The following MYBL1 variants were observed in gnomAD, a reference collection of about 807,000 sequenced individuals.
The protein encoded by MYBL1 is MYB proto-oncogene like 1, also known as myb-related protein A.
In MYBL1, 17 loss-of-function variants were observed where a neutral mutation model predicts 96.3. The observed-to-expected ratio is 0.18, with a 90% confidence interval of 0.12 to 0.26. The LOEUF (loss-of-function observed/expected upper bound fraction) is 0.26. Ranked by LOEUF, MYBL1 falls within the 10% of genes least tolerant of loss-of-function variation. The pLI is 1.00. For synonymous variants in MYBL1, 282 were observed against 292.7 expected (o/e 0.96, Z 0.37); for missense variants, 701 against 882.9 (o/e 0.79, Z 2.61).
chr8:66,606,605 T>C (rs943238328), intron 1 of MYBL1, among the ~76,000 whole-genome samples: 1 of 152,230 alleles, frequency 6.6e-6, no homozygotes, highest in South Asian at 2.1e-4. Context: ...CTAACTTCCA[T>C]TGACTTGTCA....
intron 12 of MYBL1, among the ~76,000 whole-genome samples, chr8:66,570,388 T>C (rs571825405): frequency 3.3e-5 from 5 of 152,012 alleles, no homozygotes; most frequent in South Asian, 2.1e-4. Context: ...CCACTCACTG[T>C]AGCCTCCACT....
In MYBL1 at chr8:66,564,615, T is replaced by C; in HGVS notation, c.*82A>G. On this transcript the variant is annotated 3_prime_UTR_variant, in exon 16 of 16. Coordinates refer to ENST00000522677, the MANE Select transcript of MYBL1 (RefSeq NM_001080416.4). ...GCTATCTTACAACTTTAAAAACAAC[T>C]AATTGAGAAAAATTTCACTGCAACC... is the stretch of plus-strand genomic sequence containing the variant. 8.2e-7 allele frequency: 1 copy of C among 1,217,006 alleles called. No individual in the cohort carries two copies. The highest frequency in any genetic ancestry group is 2.8e-5 in the East Asian group (1 of 36,042). 75.4% of individuals were successfully genotyped at this position (1,217,006 alleles called of 1,614,324 possible).
chr8:66,611,517 G>A (rs1002332613), intron 1 of MYBL1, among the ~76,000 whole-genome samples: 2 of 152,288 alleles, frequency 1.3e-5, no homozygotes, highest in African/African-American at 4.8e-5. Context: ...GAGGGAAGTG[G>A]AGTGTTACTA....
At chr8:66,607,807 T>A (rs1213355517) in intron 1 of MYBL1, among the ~76,000 whole-genome samples, 2 of 152,142 alleles carry the variant, frequency 1.3e-5, no homozygotes, top group Non-Finnish European at 1.5e-5. Context: ...AGGTATCTAC[T>A]GTACTGTTTA....
intron 1 of MYBL1, among the ~76,000 whole-genome samples, chr8:66,608,781 A>G (rs1810419358): frequency 6.6e-6 from 1 of 152,116 alleles, no homozygotes; most frequent in Admixed American, 6.6e-5. Flanking sequence ...GCTTCCTACT[A>G]TGTAGTTAAA....
chr8:66,564,876 A>G (rs964512386), intron 15 of MYBL1, 51 bp from the exon 16 acceptor site: 20 of 1,326,740 alleles, frequency 1.5e-5, no homozygotes, highest in Non-Finnish European at 2.0e-5. Flanking sequence ...ATAGCTATCT[A>G]TATCACAATT....
intron 8 of MYBL1, among the ~76,000 whole-genome samples, chr8:66,589,046 T>C (rs1245122391): frequency 2.6e-5 from 4 of 152,122 alleles, no homozygotes; most frequent in Non-Finnish European, 5.9e-5. Flanking sequence ...ATGCTTCATA[T>C]GGGTATGGAG....
chr8:66,597,130 A>G (rs1809883190), intron 5 of MYBL1, among the ~76,000 whole-genome samples, 200 bp downstream of exon 5: 1 of 152,192 alleles, frequency 6.6e-6, no homozygotes, highest in African/African-American at 2.4e-5. Flanking sequence ...TTGCCATAAA[A>G]TAATTCATTA....
rs541116527 is a variant in MYBL1 at position 66,579,410 on chromosome 8, A to G, written c.1101+723T>C. Among the ~76,000 whole-genome samples the G allele has an allele frequency of 2.0e-3, 304 of 152,090 alleles. 8 individuals are homozygous for G. The South Asian group carries it at 0.061, about 31-fold the overall frequency. On this transcript the variant is annotated intron_variant, in intron 9 of 15. Coordinates refer to ENST00000522677, the MANE Select transcript of MYBL1 (RefSeq NM_001080416.4). ...GGTGGCTCATGCCTGTAATCCCAGC[A>G]CTTTGGGAGGCCGAGGTGGGAGGAT...
rs767827068 is a variant in MYBL1, at chr8:66,576,394, TTAA to T, written c.1102-22_1102-20del. ...CAGGATCCTGCAATAAATTAAACTG[TTAA>T]TAAAGTTAATGCTGTAACCTAGTTA... On this transcript the variant is annotated intron_variant, in intron 9 of 15. Transcript: ENST00000522677. 1.3e-6 allele frequency: 2 copies of T among 1,575,876 alleles called. No individual in the cohort carries two copies. The highest frequency in any genetic ancestry group is 4.5e-5 in the East Asian group (2 of 44,680).
chr8:66,591,600 TA>T (rs1809648435), intron 8 of MYBL1, among the ~76,000 whole-genome samples: 1 of 152,042 alleles, frequency 6.6e-6, no homozygotes, highest in African/African-American at 2.4e-5. Context: ...GCATAAAATC[TA>T]AATGTTCCTT....
chr8:66,580,281 G>A lies in MYBL1; in HGVS notation c.953C>T (p.Thr318Ile). The change falls in exon 9 of 16, where the codon ACT becomes ATT. Residue 318 changes from threonine to isoleucine, a missense_variant. By Grantham distance (89) the Thr-to-Ile change is moderately conservative (BLOSUM62 -1). Around this residue, in one of 5 missense-constraint regions of MYBL1, gnomAD observed 396 missense variants for 407.4 expected, o/e 0.97. Transcript: ENST00000522677. ...SNTLNSLDEHTSEFYSMDENQ... is the reference protein window; with the variant it reads ...SNTLNSLDEHISEFYSMDENQ... Reference sequence around the variant, plus strand: ...TTCATCCATACTGTAAAACTCACTAGTGTGCTCGTCAAGGCTATTTAGAGT... The same window carrying A: ...TTCATCCATACTGTAAAACTCACTAATGTGCTCGTCAAGGCTATTTAGAGT... 1 of 1,613,792 alleles carries A rather than the reference G, an allele frequency of 6.2e-7. No homozygotes were observed. Among genetic ancestry groups the A allele is most frequent in the Non-Finnish European group, 8.5e-7 (1 of 1,179,772 alleles).
chr8:66,582,477 G>C (rs750536399), intron 8 of MYBL1, among the ~76,000 whole-genome samples: 14 of 149,494 alleles, frequency 9.4e-5, no homozygotes, highest in Middle Eastern at 3.4e-3. Context: ...CAGCACTTTG[G>C]GAGGCCAAGG....
intron 9 of MYBL1, among the ~76,000 whole-genome samples, chr8:66,576,799 T>G (rs2129788193): frequency 6.6e-6 from 1 of 152,312 alleles, no homozygotes; most frequent in South Asian, 2.1e-4. Context: ...CAATTTAACC[T>G]AAAGACATAA....
chr8:66,575,599 G>A (rs1290759786), intron 10 of MYBL1, among the ~76,000 whole-genome samples: 1 of 152,164 alleles, frequency 6.6e-6, no homozygotes, highest in Non-Finnish European at 1.5e-5. Flanking sequence ...AGACCAGCTT[G>A]GGCAACATGG....
rs546347370 is a variant in MYBL1, at chr8:66,567,933, G to C, written c.1729-941C>G. On this transcript the variant is annotated intron_variant, in intron 12 of 15. Transcript: ENST00000522677. ...AAAAATTAGCCGGGGGTGGTGGTGTGCACCCCGGGAGGCTGAGGCATGAGA... is the reference window on the plus strand; with the variant it reads ...AAAAATTAGCCGGGGGTGGTGGTGTCCACCCCGGGAGGCTGAGGCATGAGA... Among the ~76,000 whole-genome samples the C allele has an allele frequency of 3.3e-5, 5 of 151,560 alleles. No individual in the cohort carries two copies. The Middle Eastern group carries it at 0.01, about 309-fold the overall frequency.
At chr8:66,595,048 C>A (rs1809796547) in intron 6 of MYBL1, among the ~76,000 whole-genome samples, 1 of 152,096 alleles carries the variant, frequency 6.6e-6, no homozygotes, top group Non-Finnish European at 1.5e-5. Context: ...ATAGAGCTTG[C>A]CCCATTTTGA....
intron 1 of MYBL1, among the ~76,000 whole-genome samples, chr8:66,609,505 T>A (rs751604998): frequency 2.0e-5 from 3 of 152,010 alleles, no homozygotes; most frequent in Non-Finnish European, 4.4e-5. Context: ...CAGGTTGATT[T>A]AATAAAGTGA....
Position 66,602,439 on chromosome 8 carries a change from T to C in MYBL1, c.105A>G (p.Arg35=). Residue 35 remains arginine, a synonymous_variant, in exon 2 of 16, where the codon AGA becomes AGG. Transcript: ENST00000522677. Reference sequence around the variant, plus strand: ...TTACCTCGTCCCTTGTCCATTTTACTCTGTTCCAGAGTTTCTTCAGTCCTT... The same window carrying C: ...TTACCTCGTCCCTTGTCCATTTTACCCTGTTCCAGAGTTTCTTCAGTCCTT... ...QQKGLKKLWN[R]VKWTRDEDDK... 1 of 1,599,064 alleles carries C rather than the reference T, an allele frequency of 6.3e-7. No homozygotes were observed. Among genetic ancestry groups the C allele is most frequent in the Non-Finnish European group, 8.5e-7 (1 of 1,171,934 alleles).
Sources: allele counts gnomAD v4.1 joint callset (sites outside exome capture counted in the v4.1 genomes callset), GRCh38; gene constraint gnomAD v4.1.1; regional missense constraint gnomAD v4.1.1; transcripts MANE v1.5; gene names NCBI Gene and HGNC (gene_info 2026-07-23, HGNC 2026-07-21).